The following UTP15 variants were observed in gnomAD, a reference collection of about 807,000 sequenced individuals.
UTP15 encodes UTP15 small subunit processome component, also known as U3 small nucleolar RNA-associated protein 15 homolog.
A neutral mutation model predicts 59.1 loss-of-function variants in UTP15; 5 were observed. The observed-to-expected ratio is 0.08, with a 90% CI of 0.04 to 0.18. UTP15 has a LOEUF of 0.18. Among genes scored for constraint, UTP15 ranks in the 10% least tolerant of loss-of-function variants. The pLI is 1.00. For missense variants in UTP15, 494 were observed against 616.7 expected, an observed-to-expected ratio of 0.80 and a Z score of 2.11; for synonymous variants, 211 against 212.2, an observed-to-expected ratio of 0.99 and a Z score of 0.05.
chr5:73,567,963 AC>A (rs1014214542), intron 2 of UTP15, among the ~76,000 whole-genome samples: 7 of 152,116 alleles, frequency 4.6e-5, no homozygotes, highest in African/African-American at 1.7e-4. Flanking sequence ...AGACATGATA[AC>A]TTTTTTTTTC....
At chr5:73,567,532 TG>T (rs1747813610) in intron 2 of UTP15, 98 bp downstream of exon 2, 1 of 830,524 alleles carries the variant, frequency 1.2e-6, no homozygotes, top group South Asian at 2.4e-5. Context: ...AATTATTAAC[TG>T]AAAACCATCT....
Position 73,567,492 on chromosome 5 carries a change from A to G in UTP15, c.90+58A>G, listed in dbSNP as rs562529586. The G allele has an allele frequency of 8.1e-5, 105 of 1,296,756 alleles. No individual in the cohort carries two copies. In the South Asian group the frequency reaches 1.3e-3, roughly 16 times the overall value. The allele number at this position is 1,296,756 out of a possible 1,614,324, so 80.3% of individuals were successfully genotyped here. On this transcript the variant is annotated intron_variant, in intron 2 of 12. Transcript: ENST00000296792. ...TTGTGTTTATGCCAATTTCTCTAGC[A>G]TATGTTATACTCTGGATGCTCTAAC...
intron 9 of UTP15, 184 bp from the exon 10 acceptor site, chr5:73,578,564 CCTT>C (rs1199324589): frequency 9.4e-6 from 5 of 532,602 alleles, no homozygotes; most frequent in African/African-American, 7.6e-5. Flanking sequence ...GCAAGTTACT[CCTT>C]TTTTTTTTTC....
chr5:73,569,727 T>G, intron 5 of UTP15, 52 bp downstream of exon 5: 1 of 1,440,336 alleles, frequency 6.9e-7, no homozygotes, highest in Non-Finnish European at 9.2e-7. Context: ...GGGATGTACT[T>G]TAATGTTGCT....
chr5:73,581,707 CATATT>C lies in UTP15; in HGVS notation c.*1615_*1619del, dbSNP rs1400059656. ...AATTAAATAAACGTATTAAGTTTAA[CATATT>C]AAATTAATTTAACATTTAGACTAAC... is the stretch of plus-strand genomic sequence containing the variant. On this transcript the variant is annotated 3_prime_UTR_variant, in exon 13 of 13. Transcript: ENST00000296792. 6.6e-6 allele frequency: 1 copy of C among 151,338 alleles called. No individual in the cohort carries two copies. Among genetic ancestry groups the C allele is most frequent in the Non-Finnish European group, 1.5e-5 (1 of 67,920 alleles). 9.4% of individuals were successfully genotyped at this position (151,338 alleles called of 1,614,324 possible).
Position 73,580,198 on chromosome 5 carries a change from A to C in UTP15, c.*104A>C. 1 of 994,106 alleles carries C rather than the reference A, an allele frequency of 1.0e-6. No individual in the cohort carries two copies. Among genetic ancestry groups the C allele is most frequent in the Non-Finnish European group, 1.5e-6 (1 of 689,254 alleles). The allele number at this position is 994,106 out of a possible 1,614,324, so 61.6% of individuals were successfully genotyped here. On this transcript the variant is annotated 3_prime_UTR_variant, in exon 13 of 13. Transcript: ENST00000296792. ...TTGATACATTAAAAAAACTGTTTGC[A>C]GAAGCAGTTCTGTGGAAGAGACTGG...
intron 5 of UTP15, among the ~76,000 whole-genome samples, 165 bp from the exon 6 acceptor site, chr5:73,570,421 G>T (rs903442374): frequency 1.3e-5 from 2 of 152,164 alleles, no homozygotes; most frequent in Non-Finnish European, 2.9e-5. Context: ...CTTCAGACAC[G>T]ATCAGTAGTA....
intron 6 of UTP15, among the ~76,000 whole-genome samples, chr5:73,571,829 C>T (rs1176673453): frequency 1.3e-5 from 2 of 152,126 alleles, no homozygotes; most frequent in African/African-American, 4.8e-5. Context: ...ACTTTTCTTG[C>T]TGTTATTCTG....
At chr5:73,571,557 C>T (rs1747932215) in intron 6 of UTP15, among the ~76,000 whole-genome samples, 1 of 149,516 alleles carries the variant, frequency 6.7e-6, no homozygotes. Flanking sequence ...CTGTGTGTAC[C>T]TCCTTTTTTT....
In UTP15 at chr5:73,580,187, A is replaced by G; in HGVS notation, c.*93A>G. 8.8e-7 allele frequency: 1 copy of G among 1,142,054 alleles called. No individual in the cohort carries two copies. Among genetic ancestry groups the G allele is most frequent in the Non-Finnish European group, 1.2e-6 (1 of 818,612 alleles). 70.7% of individuals were successfully genotyped at this position (1,142,054 alleles called of 1,614,324 possible). A position where few individuals can be genotyped will look rare whatever the true frequency, so the allele number is the denominator to read the frequency against. On this transcript the variant is annotated 3_prime_UTR_variant, in exon 13 of 13. Transcript: ENST00000296792. Reference sequence around the variant, plus strand: ...AGAGACTCTCTTTGATACATTAAAAAAACTGTTTGCAGAAGCAGTTCTGTG... The same window carrying G: ...AGAGACTCTCTTTGATACATTAAAAGAACTGTTTGCAGAAGCAGTTCTGTG...
At chr5:73,566,544 A>C (rs959201803) in intron 1 of UTP15, among the ~76,000 whole-genome samples, 1 of 152,218 alleles carries the variant, frequency 6.6e-6, no homozygotes, top group Non-Finnish European at 1.5e-5. Context: ...TGGTGTTACT[A>C]ATGTAAAGTT....
At chr5:73,570,286 G>A (rs1354830768) in intron 5 of UTP15, among the ~76,000 whole-genome samples, 2 of 152,202 alleles carry the variant, frequency 1.3e-5, no homozygotes, top group Non-Finnish European at 2.9e-5. Flanking sequence ...AACAAAGAGT[G>A]CAGTTTAGCC....
At chr5:73,566,363 C>T (rs528816915) in intron 1 of UTP15, among the ~76,000 whole-genome samples, 1 of 152,322 alleles carries the variant, frequency 6.6e-6, no homozygotes, top group East Asian at 1.9e-4. Context: ...AAGGCACAGA[C>T]CATGTCTTTA....
chr5:73,566,463 A>AATTT (rs1303866910), intron 1 of UTP15, among the ~76,000 whole-genome samples: 7 of 152,338 alleles, frequency 4.6e-5, no homozygotes. Flanking sequence ...CCCAAAGACC[A>AATTT]GTGAAATACA....
At position 73,565,753 on chromosome 5, in the gene UTP15, C is replaced by A. The variant is rs976941634; in HGVS notation, c.-243C>A. On this transcript the variant is annotated 5_prime_UTR_variant, in exon 1 of 13. Coordinates refer to ENST00000296792, the MANE Select transcript of UTP15 (RefSeq NM_032175.4). ...TGAGCGTGCTCTGGTACGTCATCTTCGCGCGACGTTCGGTTCGCTGTGTGT... is the reference window on the plus strand; with the variant it reads ...TGAGCGTGCTCTGGTACGTCATCTTAGCGCGACGTTCGGTTCGCTGTGTGT... The A allele has an allele frequency of 2.2e-6, 1 of 456,228 alleles. No homozygotes were observed. Among genetic ancestry groups the A allele is most frequent in the Admixed American group, 2.3e-5 (1 of 42,584 alleles). 28.3% of individuals were successfully genotyped at this position (456,228 alleles called of 1,614,324 possible). A position where few individuals can be genotyped will look rare whatever the true frequency, so the allele number is the denominator to read the frequency against.
At position 73,577,031 on chromosome 5, in the gene UTP15, C is replaced by T. The variant is rs146121981; in HGVS notation, c.889C>T (p.Leu297Phe). ...TGCAGCTTCAATTTTGAGTCTTGCC[C>T]TTGCAGTAAGTACCTTTACCTATTT... ...DYAASILSLA[L>F]AHEDETIVVG... The change falls in exon 8 of 13, where the codon CTT becomes TTT. Residue 297 changes from leucine to phenylalanine, a missense_variant. Leu to Phe is a conservative substitution (Grantham distance 22). Transcript: ENST00000296792. The T allele has an allele frequency of 4.0e-5, 65 of 1,607,690 alleles. No homozygotes were observed. In the African/African-American group the frequency reaches 8.0e-4, roughly 20 times the overall value.
intron 4 of UTP15, 115 bp downstream of exon 4, chr5:73,568,719 G>A: frequency 5.1e-6 from 5 of 989,866 alleles, no homozygotes; most frequent in Non-Finnish European, 7.2e-6. Flanking sequence ...TTTGCCTATA[G>A]GTACTATATT....
rs775194554 is a variant in UTP15 at position 73,569,716 on chromosome 5, G to A, written c.547+41G>A. 3.4e-6 allele frequency: 5 copies of A among 1,473,412 alleles called. No homozygotes were observed. In the South Asian group the frequency reaches 4.5e-5, roughly 13 times the overall value. 91.3% of individuals were successfully genotyped at this position (1,473,412 alleles called of 1,614,324 possible). On this transcript the variant is annotated intron_variant, in intron 5 of 12. Coordinates refer to ENST00000296792, the MANE Select transcript of UTP15 (RefSeq NM_032175.4). Reference sequence around the variant, plus strand: ...TCCCTCCTGAAGCAAATAATCTCACGGGGATGTACTTTAATGTTGCTATGG... The same window carrying A: ...TCCCTCCTGAAGCAAATAATCTCACAGGGATGTACTTTAATGTTGCTATGG...
Position 73,580,174 on chromosome 5 carries a change from T to C in UTP15, c.*80T>C, listed in dbSNP as rs1748257505. ...TTAAATGTTGGCGAGAGACTCTCTT[T>C]GATACATTAAAAAAACTGTTTGCAG... On this transcript the variant is annotated 3_prime_UTR_variant, in exon 13 of 13. Coordinates refer to ENST00000296792, the MANE Select transcript of UTP15 (RefSeq NM_032175.4). 4 of 1,269,138 alleles carry C rather than the reference T, an allele frequency of 3.2e-6. No homozygotes were observed. Among genetic ancestry groups the C allele is most frequent in the Non-Finnish European group, 4.3e-6 (4 of 921,224 alleles). The allele number at this position is 1,269,138 out of a possible 1,614,324, so 78.6% of individuals were successfully genotyped here. A position where few individuals can be genotyped will look rare whatever the true frequency, so the allele number is the denominator to read the frequency against.
Sources: gnomAD v4.1 joint callset for allele counts (sites outside exome capture counted in the v4.1 genomes callset) on GRCh38, gnomAD v4.1.1 for gene constraint, MANE v1.5 for transcripts, NCBI Gene and HGNC (gene_info 2026-07-23, HGNC 2026-07-21) for gene names.